PPFIA2: variants seen among roughly 807,000 people sequenced by gnomAD.
PPFIA2 encodes PPFI scaffold protein A2.
PPFIA2 carries 46 observed loss-of-function variants against 175.5 expected under a neutral mutation model. That is an observed-to-expected ratio of 0.26 (90% CI 0.21 to 0.34). The LOEUF (loss-of-function observed/expected upper bound fraction) is 0.34. PPFIA2 is among the 10% of genes least tolerant of loss of function. The pLI is 1.00. For synonymous variants in PPFIA2, 568 were observed against 511.4 expected (o/e 1.11, Z -1.49); for missense variants, 1,179 against 1,506.1 (o/e 0.78, Z 3.60).
At chr12:81,369,899 A>T (rs962248325) in intron 11 of PPFIA2, among the ~76,000 whole-genome samples, 22 of 151,794 alleles carry the variant, frequency 1.4e-4, no homozygotes, top group African/African-American at 5.3e-4. Context: ...GATGGTTTTA[A>T]ATAAAAAACA....
chr12:81,645,183 G>A (rs567872884), intron 4 of PPFIA2, among the ~76,000 whole-genome samples: 2 of 151,960 alleles, frequency 1.3e-5, no homozygotes, highest in South Asian at 2.1e-4. Context: ...GAGATAAAGG[G>A]AAAGAGAGAA....
Position 81,477,446 on chromosome 12 carries a change from T to C in PPFIA2, c.304-19580A>G, listed in dbSNP as rs940458044. ...TGTTCATTGAATATTTTGAAAGTGA[T>C]GGCCATGTGTGAAAATCTGTGCTGG... is the stretch of plus-strand genomic sequence containing the variant. On this transcript the variant is annotated intron_variant, in intron 4 of 32. Transcript: ENST00000549396. Among the ~76,000 whole-genome samples the C allele has an allele frequency of 2.6e-5, 4 of 152,110 alleles. 1 individual carries two copies. The South Asian group carries it at 8.3e-4, about 32-fold the overall frequency.
chr12:81,597,891 T>A, intron 4 of PPFIA2: 1 of 1,477,564 alleles, frequency 6.8e-7, no homozygotes, highest in Non-Finnish European at 9.1e-7. Flanking sequence ...TATAGCACTT[T>A]GTTAAAAGTT....
intron 25 of PPFIA2, among the ~76,000 whole-genome samples, chr12:81,283,544 T>A (rs1158633778): frequency 6.6e-6 from 1 of 151,936 alleles, no homozygotes; most frequent in Non-Finnish European, 1.5e-5. Context: ...AAAAATGAAA[T>A]TAGTACATGA....
intron 4 of PPFIA2, among the ~76,000 whole-genome samples, chr12:81,506,680 G>A (rs2061206658): frequency 6.6e-6 from 1 of 152,178 alleles, no homozygotes; most frequent in South Asian, 2.1e-4. Context: ...TATGTAACCA[G>A]GATGGTCTAA....
intron 4 of PPFIA2, among the ~76,000 whole-genome samples, chr12:81,543,222 T>C (rs778824552): frequency 3.8e-4 from 57 of 151,958 alleles, no homozygotes; most frequent in Admixed American, 1.2e-3. Flanking sequence ...TAGGACTGGG[T>C]TGGGAAATAT....
intron 4 of PPFIA2, among the ~76,000 whole-genome samples, chr12:81,478,696 G>A (rs964543215): frequency 3.3e-5 from 5 of 152,114 alleles, no homozygotes; most frequent in African/African-American, 9.7e-5. Context: ...TTCAGGAGCA[G>A]GTTATCCAGT....
intron 3 of PPFIA2, among the ~76,000 whole-genome samples, chr12:81,743,034 C>A (rs571902691): frequency 6.6e-6 from 1 of 152,254 alleles, no homozygotes; most frequent in South Asian, 2.1e-4. Context: ...ATCCACTCCA[C>A]TCAGGGTGAA....
chr12:81,637,064 A>G (rs1163676631), intron 4 of PPFIA2, among the ~76,000 whole-genome samples: 3 of 150,482 alleles, frequency 2.0e-5, no homozygotes, highest in Admixed American at 6.6e-5. Flanking sequence ...TAATTACTCT[A>G]TATCTTTTTT....
intron 17 of PPFIA2, among the ~76,000 whole-genome samples, chr12:81,352,058 C>T (rs1218547253): frequency 6.6e-6 from 1 of 152,000 alleles, no homozygotes; most frequent in Admixed American, 6.6e-5. Flanking sequence ...AGGACTCTAT[C>T]CTGCTTTCTG....
At chr12:81,430,644 A>C (rs1406432992) in intron 7 of PPFIA2, 1 of 150,380 alleles carries the variant, frequency 6.6e-6, no homozygotes, top group Non-Finnish European at 1.5e-5. Flanking sequence ...TCCTTCCTTC[A>C]TTCCAGCCTT....
At chr12:81,548,152 A>G (rs2067277106) in intron 4 of PPFIA2, among the ~76,000 whole-genome samples, 1 of 152,144 alleles carries the variant, frequency 6.6e-6, no homozygotes, top group Non-Finnish European at 1.5e-5. Context: ...ATCAAGAAAC[A>G]CCAGAGTAGG....
At chr12:81,506,323 C>G (rs775865333) in intron 4 of PPFIA2, among the ~76,000 whole-genome samples, 14 of 152,276 alleles carry the variant, frequency 9.2e-5, no homozygotes, top group Non-Finnish European at 1.9e-4. Context: ...CAAACTTATA[C>G]TCTGTATGAA....
At chr12:81,565,164 C>T (rs2071023995) in intron 4 of PPFIA2, among the ~76,000 whole-genome samples, 1 of 152,310 alleles carries the variant, frequency 6.6e-6, no homozygotes, top group African/African-American at 2.4e-5. Context: ...TGCCATCAGC[C>T]TCTCCACCTT....
chr12:81,664,026 A>G (rs2069550131), intron 4 of PPFIA2, among the ~76,000 whole-genome samples: 1 of 152,208 alleles, frequency 6.6e-6, no homozygotes. Flanking sequence ...TACACCTTAT[A>G]CAAAAATAAA....
intron 4 of PPFIA2, among the ~76,000 whole-genome samples, chr12:81,642,711 T>TATTATATACATAC (rs1555549398): frequency 1.8e-5 from 2 of 108,264 alleles, no homozygotes; most frequent in Non-Finnish European, 4.1e-5. Flanking sequence ...TATATGTATG[T>TATTATATACATAC]ATGTATTATA....
intron 21 of PPFIA2, among the ~76,000 whole-genome samples, chr12:81,328,090 G>A (rs2055222195): frequency 6.6e-6 from 1 of 152,068 alleles, no homozygotes; most frequent in African/African-American, 2.4e-5. Flanking sequence ...TCTGAGGGAG[G>A]ACATTTTTTC....
At chr12:81,344,749 T>G (rs910169591) in intron 18 of PPFIA2, 56 bp from the exon 19 acceptor site, 5 of 1,308,600 alleles carry the variant, frequency 3.8e-6, no homozygotes, top group Non-Finnish European at 5.3e-6. Context: ...TTAACAATCA[T>G]TTGACCAAGT....
chr12:81,646,384 G>A (rs2066076347), intron 4 of PPFIA2, among the ~76,000 whole-genome samples: 1 of 152,088 alleles, frequency 6.6e-6, no homozygotes, highest in South Asian at 2.1e-4. Context: ...CTGAGGTTTG[G>A]TGCAGAGAGC....
Sources: allele counts gnomAD v4.1 joint callset (sites outside exome capture counted in the v4.1 genomes callset), GRCh38; gene constraint gnomAD v4.1.1; transcripts MANE v1.5; gene names NCBI Gene and HGNC (gene_info 2026-07-23, HGNC 2026-07-21).